The following CADM2 variants were observed in gnomAD, a reference collection of about 807,000 sequenced individuals.
CADM2 encodes immunoglobulin superfamily member 4D.
Under a neutral mutation model 49.8 loss-of-function variants are expected in CADM2, and 12 were observed. The ratio of observed to expected loss-of-function variants is 0.24; its 90% confidence interval spans 0.15 to 0.39. The LOEUF (loss-of-function observed/expected upper bound fraction) is 0.39, where lower values mean the gene tolerates loss of function less well. Among genes scored for constraint, CADM2 ranks in the 10% least tolerant of loss-of-function variants. CADM2 has a pLI of 1.00. For missense variants in CADM2, 378 were observed against 492.3 expected, an observed-to-expected ratio of 0.77 and a Z score of 2.20; for synonymous variants, 214 against 175.4, an observed-to-expected ratio of 1.22 and a Z score of -1.74.
intron 8 of CADM2, among the ~76,000 whole-genome samples, chr3:85,995,694 G>T (rs961639289): frequency 6.6e-6 from 1 of 152,020 alleles, no homozygotes; most frequent in South Asian, 2.1e-4. Flanking sequence ...ATTAGTGATA[G>T]GTATTCTTTT....
intron 1 of CADM2, among the ~76,000 whole-genome samples, chr3:85,115,680 G>T (rs574903154): frequency 4.6e-5 from 7 of 152,132 alleles, no homozygotes; most frequent in Non-Finnish European, 1.0e-4. Context: ...TTATGTCAAG[G>T]TAAAAGGTTA....
intron 1 of CADM2, among the ~76,000 whole-genome samples, chr3:85,718,228 C>T (rs1414383897): frequency 2.0e-5 from 3 of 152,138 alleles, no homozygotes; most frequent in African/African-American, 7.2e-5. Flanking sequence ...TGAGGTAAAT[C>T]ATCAACACTC....
At chr3:85,925,996 G>T (rs540393137) in intron 6 of CADM2, among the ~76,000 whole-genome samples, 33 of 151,888 alleles carry the variant, frequency 2.2e-4, no homozygotes, top group Admixed American at 2.0e-3. Context: ...AAATGACCGG[G>T]CGTGGTGGAA....
intron 8 of CADM2, among the ~76,000 whole-genome samples, chr3:85,968,812 A>G (rs1432368028): frequency 1.3e-5 from 2 of 151,706 alleles, no homozygotes; most frequent in Admixed American, 6.6e-5. Context: ...GCAATGGCCC[A>G]TGGGAGGAAA....
intron 3 of CADM2, among the ~76,000 whole-genome samples, chr3:85,838,153 G>A (rs2074484952): frequency 6.6e-6 from 1 of 151,782 alleles, no homozygotes; most frequent in Admixed American, 6.6e-5. Context: ...CATCACTGGG[G>A]CTAAAGTCCA....
chr3:85,801,919 A>G (rs2072067604), intron 2 of CADM2, 128 bp from the exon 3 acceptor site: 4 of 686,840 alleles, frequency 5.8e-6, no homozygotes, highest in Non-Finnish European at 9.3e-6. Flanking sequence ...TTTGTAATAT[A>G]CAGTTTTGTC....
intron 2 of CADM2, among the ~76,000 whole-genome samples, chr3:85,744,446 G>T (rs1006064293): frequency 2.6e-5 from 4 of 151,870 alleles, no homozygotes; most frequent in African/African-American, 7.3e-5. Flanking sequence ...TACACATTGT[G>T]TATCTGTATC....
intron 1 of CADM2, among the ~76,000 whole-genome samples, chr3:85,533,707 A>G (rs1014444878): frequency 1.3e-5 from 2 of 152,194 alleles, no homozygotes; most frequent in African/African-American, 4.8e-5. Flanking sequence ...AGAAATTATT[A>G]CAGTGGAAAG....
intron 1 of CADM2, among the ~76,000 whole-genome samples, chr3:85,572,460 A>C (rs1383055603): frequency 6.6e-6 from 1 of 151,994 alleles, no homozygotes; most frequent in Non-Finnish European, 1.5e-5. Flanking sequence ...AGAGACAGAG[A>C]GAGACAGAGA....
Position 85,153,518 on chromosome 3 carries a change from G to A in CADM2, c.61+193850G>A, listed in dbSNP as rs373326857. ...GCGGCAGCAAGGCTGGGGGAGGGGCGCCCGCCATTGCCCAGGCTTGCTTAG... is the reference window on the plus strand; with the variant it reads ...GCGGCAGCAAGGCTGGGGGAGGGGCACCCGCCATTGCCCAGGCTTGCTTAG... On this transcript the variant is annotated intron_variant, in intron 1 of 9. Coordinates refer to ENST00000383699, the MANE Select transcript of CADM2 (RefSeq NM_001167675.2). Among the ~76,000 whole-genome samples the A allele has an allele frequency of 2.0e-3, 306 of 152,252 alleles. 1 individual carries two copies. Among genetic ancestry groups the A allele is most frequent in the African/African-American group, 7.0e-3 (290 of 41,572 alleles).
intron 1 of CADM2, among the ~76,000 whole-genome samples, chr3:85,377,896 A>G (rs1354809781): frequency 6.6e-6 from 1 of 152,016 alleles, no homozygotes; most frequent in South Asian, 2.1e-4. Flanking sequence ...TCGATGTCAG[A>G]TTTATTTGAG....
intron 1 of CADM2, among the ~76,000 whole-genome samples, chr3:85,132,188 T>A (rs531585917): frequency 7.9e-5 from 12 of 152,314 alleles, no homozygotes; most frequent in African/African-American, 2.9e-4. Context: ...AAAAGGTTGA[T>A]CTTCAGTTTC....
intron 1 of CADM2, chr3:84,960,356 A>C (rs559453476): frequency 5.3e-5 from 8 of 152,178 alleles, no homozygotes; most frequent in Non-Finnish European, 1.0e-4. Context: ...AGAAAAAAGA[A>C]AAAATGAGTG....
chr3:86,001,206 A>T (rs73134170), intron 8 of CADM2, among the ~76,000 whole-genome samples: 9,074 of 152,204 alleles, frequency 0.06, 455 homozygotes, highest in Non-Finnish European at 0.083. Context: ...TGACAGAATT[A>T]TGAATTTGTT....
chr3:85,604,184 A>T (rs1268557006), intron 1 of CADM2, among the ~76,000 whole-genome samples: 4 of 151,980 alleles, frequency 2.6e-5, no homozygotes, highest in South Asian at 2.1e-4. Flanking sequence ...TAAGCTTTTA[A>T]ATATATTATT....
In CADM2 at chr3:85,935,778, G is replaced by T; in HGVS notation, c.712G>T (p.Val238Phe). The T allele has an allele frequency of 6.3e-7, 1 of 1,592,374 alleles. No homozygotes were observed. Among genetic ancestry groups the T allele is most frequent in the East Asian group, 2.2e-5 (1 of 44,564 alleles). ...QVLEIHYTPS[V>F]KIIPSTPFPQ... ...TCTTTTATTTCTAGATACACCATCA[G>T]TTAAGATTATACCATCGACTCCTTT... The change falls in exon 7 of 10, where the codon GTT (valine) becomes TTT (phenylalanine). Residue 238 changes from valine (V) to phenylalanine (F), a missense_variant. Physicochemically the swap from Val to Phe is conservative, Grantham distance 50. Coordinates refer to ENST00000383699, the MANE Select transcript of CADM2 (RefSeq NM_001167675.2).
In CADM2 at chr3:85,637,791, A is replaced by C. The variant is rs375428478; in HGVS notation, c.62-88731A>C. 1.2e-4 allele frequency among the ~76,000 whole-genome samples: 18 copies of C among 152,180 alleles called. No homozygotes were observed. The East Asian group carries it at 1.4e-3, about 11-fold the overall frequency. On this transcript the variant is annotated intron_variant, in intron 1 of 9. Transcript: ENST00000383699. ...CTCGTCTTCTTATTTCAAAACCCAT[A>C]ATGTCCCTACCATTCAAGACTGCTT...
At chr3:85,134,212 C>T (rs1434668645) in intron 1 of CADM2, among the ~76,000 whole-genome samples, 1 of 152,206 alleles carries the variant, frequency 6.6e-6, no homozygotes, top group African/African-American at 2.4e-5. Context: ...GCAAGCGCCG[C>T]GCGCAGCCCC....
chr3:85,524,790 T>C (rs2061121255), intron 1 of CADM2, among the ~76,000 whole-genome samples: 1 of 152,246 alleles, frequency 6.6e-6, no homozygotes, highest in Non-Finnish European at 1.5e-5. Context: ...TTTTGCTTTA[T>C]GTATTTGAGC....
Sources: allele counts gnomAD v4.1 joint callset (sites outside exome capture counted in the v4.1 genomes callset), GRCh38; gene constraint gnomAD v4.1.1; transcripts MANE v1.5; gene names NCBI Gene and HGNC (gene_info 2026-07-23, HGNC 2026-07-21).